The following ALPK2 variants were observed in gnomAD, a reference collection of about 807,000 sequenced individuals.
The protein encoded by ALPK2 is alpha kinase 2.
Under a neutral mutation model 163.1 loss-of-function variants are expected in ALPK2, and 127 were observed. The observed-to-expected ratio is 0.78, with a 90% CI of 0.67 to 0.90. The LOEUF is 0.90. Ranked by LOEUF, ALPK2 falls within the 40% of genes least tolerant of loss-of-function variation. The pLI is 0.00. For missense variants in ALPK2, 2,360 were observed against 2,589.6 expected, an observed-to-expected ratio of 0.91 and a Z score of 1.92; for synonymous variants, 953 against 959.1, an observed-to-expected ratio of 0.99 and a Z score of 0.12.
chr18:58,526,456 G>C, intron 6 of ALPK2, among the ~76,000 whole-genome samples: 1 of 152,144 alleles, frequency 6.6e-6, no homozygotes, highest in East Asian at 1.9e-4. Flanking sequence ...TCATCCACTG[G>C]TTCCCAGCGG....
At chr18:58,597,317 C>T (rs139298442) in intron 3 of ALPK2, among the ~76,000 whole-genome samples, 1 of 152,210 alleles carries the variant, frequency 6.6e-6, no homozygotes, top group African/African-American at 2.4e-5. Flanking sequence ...CAAAGAATGG[C>T]TGTGTCTAAC....
intron 4 of ALPK2, among the ~76,000 whole-genome samples, chr18:58,539,118 ATGT>A (rs1185943078): frequency 6.6e-6 from 1 of 152,204 alleles, no homozygotes; most frequent in Non-Finnish European, 1.5e-5. Context: ...TAAGATAACA[ATGT>A]TACTAAAAAA....
intron 12 of ALPK2, among the ~76,000 whole-genome samples, chr18:58,485,403 C>T (rs1023799474): frequency 2.0e-5 from 3 of 152,168 alleles, no homozygotes; most frequent in Admixed American, 2.0e-4. Context: ...AGGTTTCCTT[C>T]CTCTCGGAAG....
intron 3 of ALPK2, among the ~76,000 whole-genome samples, chr18:58,588,513 T>A (rs2051998477): frequency 1.3e-5 from 2 of 152,202 alleles, no homozygotes; most frequent in African/African-American, 4.8e-5. Context: ...TATTAACCCA[T>A]CACTTAGATA....
Position 58,580,296 on chromosome 18 carries a change from T to C in ALPK2, c.480A>G (p.Ser160=). 1 of 1,614,172 alleles carries C rather than the reference T, an allele frequency of 6.2e-7. No homozygotes were observed. The highest frequency in any genetic ancestry group is 8.5e-7 in the Non-Finnish European group (1 of 1,180,024). Reference sequence around the variant, plus strand: ...TGGATTTGGAGGGGGAGGAGTCAGCTGACCTGGGAGTGCCCGGGGAGATGC... The same window carrying C: ...TGGATTTGGAGGGGGAGGAGTCAGCCGACCTGGGAGTGCCCGGGGAGATGC... The part of the protein sequence containing the change: ...EESISPGTPR[S]ADSSPSKSNH... Residue 160 remains serine (S), a synonymous_variant, in exon 4 of 13, where the codon TCA becomes TCG. Coordinates refer to ENST00000361673, the MANE Select transcript of ALPK2 (RefSeq NM_052947.4).
intron 4 of ALPK2, among the ~76,000 whole-genome samples, chr18:58,549,977 A>C (rs1218224877): frequency 6.6e-6 from 1 of 151,872 alleles, no homozygotes; most frequent in Non-Finnish European, 1.5e-5. Flanking sequence ...TCTCACCCTG[A>C]CTCTGTCTCC....
chr18:58,587,350 G>A (rs2051992735), intron 3 of ALPK2, among the ~76,000 whole-genome samples: 1 of 152,178 alleles, frequency 6.6e-6, no homozygotes, highest in Non-Finnish European at 1.5e-5. Flanking sequence ...AAAATGTCCA[G>A]TTTTCAACAA....
At chr18:58,625,678 G>C (rs1253450396) in intron 1 of ALPK2, among the ~76,000 whole-genome samples, 1 of 152,250 alleles carries the variant, frequency 6.6e-6, no homozygotes, top group South Asian at 2.1e-4. Flanking sequence ...AAGAGCAGGG[G>C]CCTGGTTATC....
intron 3 of ALPK2, among the ~76,000 whole-genome samples, chr18:58,601,240 T>C (rs976278058): frequency 6.6e-6 from 1 of 151,094 alleles, no homozygotes; most frequent in Non-Finnish European, 1.5e-5. Flanking sequence ...TGGGCAACAG[T>C]GCAAGACTCC....
chr18:58,550,553 A>G (rs1339183198), intron 4 of ALPK2, among the ~76,000 whole-genome samples: 15 of 149,810 alleles, frequency 1.0e-4, no homozygotes, highest in South Asian at 2.1e-4. Context: ...CCCCATCTCT[A>G]TCATATATGA....
chr18:58,576,573 C>T (rs1428631471), intron 4 of ALPK2, among the ~76,000 whole-genome samples: 1 of 152,134 alleles, frequency 6.6e-6, no homozygotes, highest in African/African-American at 2.4e-5. Context: ...ATTTAATTCC[C>T]AGTGACCCCC....
At chr18:58,616,878 C>T (rs1450053521) in intron 1 of ALPK2, among the ~76,000 whole-genome samples, 1 of 152,022 alleles carries the variant, frequency 6.6e-6, no homozygotes, top group Non-Finnish European at 1.5e-5. Context: ...TTCCAGAAGC[C>T]TTGACTTGCA....
At chr18:58,512,659 GC>G (rs1346933138) in intron 10 of ALPK2, among the ~76,000 whole-genome samples, 4 of 148,352 alleles carry the variant, frequency 2.7e-5, no homozygotes, top group African/African-American at 7.5e-5. Flanking sequence ...GTGTGTGTGT[GC>G]TGTGTGTGTG....
chr18:58,522,449 A>G (rs2051560093), intron 8 of ALPK2, among the ~76,000 whole-genome samples: 1 of 152,234 alleles, frequency 6.6e-6, no homozygotes, highest in African/African-American at 2.4e-5. Flanking sequence ...CACGGCAAAC[A>G]CAGATTCCAC....
At chr18:58,532,206 G>C (rs975462688) in intron 5 of ALPK2, among the ~76,000 whole-genome samples, 1 of 152,172 alleles carries the variant, frequency 6.6e-6, no homozygotes, top group Non-Finnish European at 1.5e-5. Context: ...TCAGTCGATG[G>C]CCCTTCCAGT....
intron 6 of ALPK2, among the ~76,000 whole-genome samples, chr18:58,527,781 T>C (rs1173605326): frequency 6.6e-6 from 1 of 152,220 alleles, no homozygotes; most frequent in Non-Finnish European, 1.5e-5. Context: ...GGTGACATTT[T>C]AGGCAAAGTG....
At chr18:58,487,271 G>T (rs2144095953) in intron 12 of ALPK2, among the ~76,000 whole-genome samples, 1 of 152,306 alleles carries the variant, frequency 6.6e-6, no homozygotes, top group African/African-American at 2.4e-5. Context: ...GACACACAGG[G>T]GGAATATCAT....
At chr18:58,586,977 T>C (rs1479277834) in intron 3 of ALPK2, among the ~76,000 whole-genome samples, 1 of 152,120 alleles carries the variant, frequency 6.6e-6, no homozygotes, top group Non-Finnish European at 1.5e-5. Context: ...GTCCAGTGCA[T>C]GTGCTTACGA....
At chr18:58,563,792 G>A (rs2051836951) in intron 4 of ALPK2, among the ~76,000 whole-genome samples, 1 of 151,916 alleles carries the variant, frequency 6.6e-6, no homozygotes, top group East Asian at 1.9e-4. Context: ...TTTCATTATT[G>A]TGAACCATGC....
Sources: gnomAD v4.1 joint callset for allele counts (sites outside exome capture counted in the v4.1 genomes callset) on GRCh38, gnomAD v4.1.1 for gene constraint, MANE v1.5 for transcripts, NCBI Gene and HGNC (gene_info 2026-07-23, HGNC 2026-07-21) for gene names.